The following AGBL5 variants were observed in gnomAD, a reference collection of about 807,000 sequenced individuals.
AGBL5 encodes the protein AGBL carboxypeptidase 5.
AGBL5 carries 51 observed loss-of-function variants against 88.0 expected under a neutral mutation model. That is an observed-to-expected ratio of 0.58 (90% CI 0.46 to 0.73). The LOEUF (loss-of-function observed/expected upper bound fraction) is 0.73. AGBL5 is among the 30% of genes least tolerant of loss of function. AGBL5 has a pLI of 0.00. For synonymous variants in AGBL5, 446 were observed against 438.8 expected (o/e 1.02, Z -0.21); for missense variants, 1,031 against 1,162.2 (o/e 0.89, Z 1.64).
chr2:27,066,809 G>A lies in AGBL5; in HGVS notation c.2090-685G>A, dbSNP rs144423449. Among the ~76,000 whole-genome samples the A allele has an allele frequency of 7.6e-3, 1,160 of 152,050 alleles. 14 individuals are homozygous for A. The highest frequency in any genetic ancestry group is 0.014 in the Non-Finnish European group (923 of 67,980). Reference sequence around the variant, plus strand: ...AAAATACAAAATTTAGGCTGGGCGCGGTGGCTCACACCTATCTGTAATCCC... The same window carrying A: ...AAAATACAAAATTTAGGCTGGGCGCAGTGGCTCACACCTATCTGTAATCCC... On this transcript the variant is annotated intron_variant, in intron 11 of 14. Transcript: ENST00000360131.
At chr2:27,051,240 C>T (rs1014563377), upstream of AGBL5, among the ~76,000 whole-genome samples, 4 of 152,200 alleles carry the variant, frequency 2.6e-5, no homozygotes, top group African/African-American at 4.8e-5. Flanking sequence ...TGGTAGAGCG[C>T]TCGCTTAGCA....
Position 27,056,805 on chromosome 2 carries a change from C to A in AGBL5, c.1535+13C>A. On this transcript the variant is annotated intron_variant, in intron 8 of 14. Transcript: ENST00000360131. The stretch of plus-strand genomic sequence containing the variant: ...GGATAATCCACAGGTTGGGTGGAAG[C>A]TGAGATATAGTTGATGAAATAGCTT... 1.3e-6 allele frequency: 2 copies of A among 1,589,048 alleles called. No individual in the cohort carries two copies. Among genetic ancestry groups the A allele is most frequent in the Non-Finnish European group, 1.7e-6 (2 of 1,164,476 alleles).
At chr2:27,062,139 T>G (rs995251596) in intron 11 of AGBL5, among the ~76,000 whole-genome samples, 1 of 145,690 alleles carries the variant, frequency 6.9e-6, no homozygotes, top group African/African-American at 2.6e-5. Context: ...TTTTTTTTTT[T>G]TGAGACGGAA....
Position 27,070,170 on chromosome 2 carries a change from A to G in AGBL5, c.2568A>G (p.Pro856=), listed in dbSNP as rs756917813. The G allele has an allele frequency of 5.6e-6, 9 of 1,614,004 alleles. No individual in the cohort carries two copies. The highest frequency in any genetic ancestry group is 1.7e-5 in the Admixed American group (1 of 59,998). The change falls in exon 15 of 15, where the codon CCA becomes CCG. Residue 856 remains proline, a synonymous_variant. Transcript: ENST00000360131. ...SPISCSLSDS[P]SWNCYSRGPL... ...TATCCTGTAGTCTATCTGACTCCCC[A>G]TCCTGGAATTGTTACAGCAGGGGTC...
intron 13 of AGBL5, chr2:27,069,154 G>A (rs1163421257): frequency 2.2e-6 from 3 of 1,340,566 alleles, no homozygotes; most frequent in South Asian, 1.2e-5. Context: ...ATTCAGTCCA[G>A]ATCCCCATGC....
At chr2:27,058,242 C>T (rs966248380) in intron 9 of AGBL5, among the ~76,000 whole-genome samples, 158 bp from the exon 10 acceptor site, 23 of 152,308 alleles carry the variant, frequency 1.5e-4, no homozygotes, top group African/African-American at 5.3e-4. Context: ...GCTCCAAATC[C>T]GTTTGCAATA....
At position 27,067,611 on chromosome 2, in the gene AGBL5, G is replaced by A. The variant is rs1437431968; in HGVS notation, c.2207G>A (p.Gly736Asp). 18 of 1,614,002 alleles carry A rather than the reference G, an allele frequency of 1.1e-5. No homozygotes were observed. The Middle Eastern group carries it at 1.2e-3, about 104-fold the overall frequency. Residue 736 changes from glycine to aspartate, a missense_variant, in exon 12 of 15, where the codon GGC becomes GAC. Physicochemically the swap from Gly to Asp is moderately conservative, Grantham distance 94. This residue lies in a region of AGBL5 where 491 missense variants were observed against 484.0 expected (regional missense o/e 1.01). Coordinates refer to ENST00000360131, the MANE Select transcript of AGBL5 (RefSeq NM_021831.6). ...GGCCCAGCCTCCTCACACAAGCTGG[G>A]CTCCTGTCTACTGCCTGATTCATTC... ...SSGPASSHKLGSCLLPDSFNI... is the reference protein window; with the variant it reads ...SSGPASSHKLDSCLLPDSFNI...
At chr2:27,067,305 A>G (rs997012852) in intron 11 of AGBL5, among the ~76,000 whole-genome samples, 189 bp from the exon 12 acceptor site, 1 of 150,140 alleles carries the variant, frequency 6.7e-6, no homozygotes, top group Non-Finnish European at 1.5e-5. Context: ...TGGAGAATGG[A>G]TAACTGTAAT....
At position 27,067,485 on chromosome 2, in the gene AGBL5, TC is replaced by T. The variant is rs754583941; in HGVS notation, c.2090-7del. 2.2e-5 allele frequency: 36 copies of T among 1,613,240 alleles called. No individual in the cohort carries two copies. Among genetic ancestry groups the T allele is most frequent in the Middle Eastern group, 1.6e-4 (1 of 6,078 alleles). ...TGCCCTTTTATCTGCTTGTATCTCT[TC>T]CACTCAGAGCCCCGAAGCCAGGACA... On this transcript the variant is annotated splice_polypyrimidine_tract_variant and splice_region_variant and intron_variant, in intron 11 of 14. Transcript: ENST00000360131.
chr2:27,051,520 C>G (rs1668141018), upstream of AGBL5: 1 of 152,300 alleles, frequency 6.6e-6, no homozygotes, highest in African/African-American at 2.4e-5. Flanking sequence ...CCGGCCGCTC[C>G]TGCCCGCCAT....
rs1202510880 is a variant in AGBL5 at position 27,053,368 on chromosome 2, C to T, written c.216-34C>T. 3.1e-6 allele frequency: 5 copies of T among 1,605,176 alleles called. No homozygotes were observed. The highest frequency in any genetic ancestry group is 2.7e-5 in the African/African-American group (2 of 74,736). On this transcript the variant is annotated intron_variant, in intron 2 of 14. Coordinates refer to ENST00000360131, the MANE Select transcript of AGBL5 (RefSeq NM_021831.6). This position sits in a 1 kb window ranked among gnomAD's most constrained non-coding sequence, Gnocchi z 4.9. ...ACAGACCATATCTCCAACCCTTCCA[C>T]ACGTAATGACCTCTCTCTTACTCTG... is the stretch of plus-strand genomic sequence containing the variant.
chr2:27,056,184 T>C, intron 7 of AGBL5, 46 bp downstream of exon 7: 2 of 1,577,330 alleles, frequency 1.3e-6, no homozygotes, highest in Non-Finnish European at 1.7e-6. Context: ...GTGTTACAGG[T>C]TAGGAGATGG....
In AGBL5 at chr2:27,059,282, A is replaced by G. The variant is rs1308063619; in HGVS notation, c.1967A>G (p.Gln656Arg). 6.2e-7 allele frequency: 1 copy of G among 1,614,120 alleles called. No individual in the cohort carries two copies. Among genetic ancestry groups the G allele is most frequent in the African/African-American group, 1.3e-5 (1 of 74,950 alleles). ...GCCGGTGGTAGCAGCAGCAGCCAAC[A>G]AAATTCTCCACAGATGAAGAATTCC... is the stretch of plus-strand genomic sequence containing the variant. The part of the protein sequence containing the change: ...TSAGGSSSSQ[Q>R]NSPQMKNSPS... The change falls in exon 11 of 15, where the codon CAA becomes CGA. Residue 656 changes from glutamine to arginine, a missense_variant. Gln to Arg is a conservative substitution (Grantham distance 43). Coordinates refer to ENST00000360131, the MANE Select transcript of AGBL5 (RefSeq NM_021831.6).
intron 11 of AGBL5, among the ~76,000 whole-genome samples, chr2:27,066,429 A>G (rs982332465): frequency 4.6e-5 from 7 of 152,122 alleles, no homozygotes; most frequent in South Asian, 4.1e-4. Context: ...CTTTCTTGGG[A>G]AAAAAATCTC....
Position 27,056,697 on chromosome 2 carries a change from A to G in AGBL5, c.1440A>G (p.Ser480=). The G allele has an allele frequency of 6.2e-7, 1 of 1,613,768 alleles. No individual in the cohort carries two copies. The highest frequency in any genetic ancestry group is 8.5e-7 in the Non-Finnish European group (1 of 1,179,756). ...TCGACTTCCAGGGCTGCAATTTCTCAGAGAAGAATATGTATGCCCGAGACC... is the reference window on the plus strand; with the variant it reads ...TCGACTTCCAGGGCTGCAATTTCTCGGAGAAGAATATGTATGCCCGAGACC... ...AHFDFQGCNF[S]EKNMYARDRR... The change falls in exon 8 of 15, where the codon TCA becomes TCG. Residue 480 remains serine, a synonymous_variant. Coordinates refer to ENST00000360131, the MANE Select transcript of AGBL5 (RefSeq NM_021831.6).
Position 27,054,010 on chromosome 2 carries a change from C to T in AGBL5, c.502C>T (p.Leu168=), listed in dbSNP as rs1478628864. 8 of 1,614,156 alleles carry T rather than the reference C, an allele frequency of 5.0e-6. No homozygotes were observed. The highest frequency in any genetic ancestry group is 5.9e-6 in the Non-Finnish European group (7 of 1,180,002). ...CTCCTACAGTGACTGCCAGGAACTGCTAAACCAGCTAGACCAGCGCTTTCC... is the reference window on the plus strand; with the variant it reads ...CTCCTACAGTGACTGCCAGGAACTGTTAAACCAGCTAGACCAGCGCTTTCC... The part of the protein sequence containing the change: ...PFSYSDCQEL[L]NQLDQRFPEN... Residue 168 remains leucine (L), a synonymous_variant, in exon 4 of 15, where the codon CTA becomes TTA. Transcript: ENST00000360131.
intron 13 of AGBL5, chr2:27,069,050 C>T: frequency 7.3e-7 from 1 of 1,375,372 alleles, no homozygotes; most frequent in Non-Finnish European, 9.6e-7. Context: ...CTGCCCAGAC[C>T]TGTCCGAGGA....
chr2:27,057,007 C>CA (rs1668467685), intron 8 of AGBL5: 1 of 564,332 alleles, frequency 1.8e-6, no homozygotes, highest in African/African-American at 1.9e-5. Context: ...AAAAAAAAAA[C>CA]AAAAAACAAC....
chr2:27,057,171 G>A (rs890113182), intron 8 of AGBL5, 132 bp from the exon 9 acceptor site: 5 of 1,018,976 alleles, frequency 4.9e-6, no homozygotes, highest in Non-Finnish European at 7.2e-6. Flanking sequence ...TAGTTGCTAT[G>A]GATTATTAGC....
Sources: allele counts gnomAD v4.1 joint callset (sites outside exome capture counted in the v4.1 genomes callset), GRCh38; gene constraint gnomAD v4.1.1; regional missense constraint gnomAD v4.1.1; non-coding constraint Gnocchi (gnomAD v3.1); transcripts MANE v1.5; gene names NCBI Gene and HGNC (gene_info 2026-07-23, HGNC 2026-07-21).